Variants in DMC1 observed in about 807,000 individuals in gnomAD.
DMC1 encodes the protein DNA meiotic recombinase 1.
DMC1 carries 27 observed loss-of-function variants against 50.1 expected under a neutral mutation model. The observed-to-expected ratio is 0.54, with a 90% confidence interval of 0.40 to 0.74. DMC1 has a LOEUF of 0.74. Among genes scored for constraint, DMC1 ranks in the 30% least tolerant of loss-of-function variants. DMC1 has a pLI of 0.00. For synonymous variants in DMC1, 148 were observed against 136.1 expected, an observed-to-expected ratio of 1.09 and a Z score of -0.61; for missense variants, 295 against 420.2, an observed-to-expected ratio of 0.70 and a Z score of 2.60.
chr22:38,553,956 CAAAA>C (rs35690372), intron 6 of DMC1, among the ~76,000 whole-genome samples: 1 of 34,750 alleles, frequency 2.9e-5, no homozygotes, highest in Non-Finnish European at 5.6e-5. Flanking sequence ...ACTCCATCTC[CAAAA>C]AAAAAAAAAA....
At chr22:38,546,986 G>A (rs914700791) in intron 8 of DMC1, among the ~76,000 whole-genome samples, 2 of 152,104 alleles carry the variant, frequency 1.3e-5, no homozygotes, top group Non-Finnish European at 2.9e-5. Flanking sequence ...TAACATCTGG[G>A]ATGCAAGAAA....
At chr22:38,531,277 A>C (rs1411584310) in intron 12 of DMC1, among the ~76,000 whole-genome samples, 1 of 152,100 alleles carries the variant, frequency 6.6e-6, no homozygotes, top group Non-Finnish European at 1.5e-5. Flanking sequence ...CATCAACTGG[A>C]TCATTCCAGT....
At chr22:38,545,515 C>T (rs1569162579) in intron 8 of DMC1, among the ~76,000 whole-genome samples, 2 of 152,236 alleles carry the variant, frequency 1.3e-5, no homozygotes, top group Non-Finnish European at 1.5e-5. Flanking sequence ...CTCCGCCTCG[C>T]GGGTTCACAC....
intron 5 of DMC1, among the ~76,000 whole-genome samples, chr22:38,561,926 T>A (rs1362588942): frequency 6.6e-6 from 1 of 152,188 alleles, no homozygotes; most frequent in African/African-American, 2.4e-5. Flanking sequence ...GCAATATTTC[T>A]GAAATATTTA....
At chr22:38,564,301 TTCTC>T (rs950789743) in intron 4 of DMC1, among the ~76,000 whole-genome samples, 9 of 152,008 alleles carry the variant, frequency 5.9e-5, no homozygotes, top group Non-Finnish European at 1.3e-4. Flanking sequence ...TGAGATACCC[TTCTC>T]TCTCTCTCTT....
At chr22:38,515,983 TG>T (rs2089974283), downstream of DMC1, among the ~76,000 whole-genome samples, 1 of 152,068 alleles carries the variant, frequency 6.6e-6, no homozygotes, top group African/African-American at 2.4e-5. Context: ...CTTTTTTGAG[TG>T]CTCCTCTCCC....
downstream of DMC1, among the ~76,000 whole-genome samples, chr22:38,514,246 CTTTTTTTTTT>C (rs142872124): frequency 4.2e-5 from 3 of 71,310 alleles, no homozygotes; most frequent in South Asian, 5.5e-4. Flanking sequence ...GTTAGGTATT[CTTTTTTTTTT>C]TTTTTTTTTT....
chr22:38,567,464 C>A, intron 3 of DMC1, 119 bp downstream of exon 3: 1 of 845,334 alleles, frequency 1.2e-6, no homozygotes, highest in Non-Finnish European at 2.0e-6. Context: ...TTGCAAACAC[C>A]CTACAATGCA....
chr22:38,552,592 G>T, intron 7 of DMC1, 74 bp downstream of exon 7: 1 of 1,060,172 alleles, frequency 9.4e-7, no homozygotes, highest in Non-Finnish European at 1.5e-6. Flanking sequence ...ATTATTTAGA[G>T]TATCAGGCAC....
At position 38,538,385 on chromosome 22, in the gene DMC1, A is replaced by C; in HGVS notation, c.685T>G (p.Phe229Val). Residue 229 changes from phenylalanine to valine, a missense_variant, in exon 11 of 14, where the codon TTT becomes GTT. Transcript: ENST00000216024. The stretch of plus-strand genomic sequence containing the variant: ...CCACGGCCACTGAAATCCACTCGAA[A>C]AAGTGCCATTATTGAATCGATAATC... ...LLIIDSIMAL[F>V]RVDFSGRGEL... 1 of 1,612,642 alleles carries C rather than the reference A, an allele frequency of 6.2e-7. No homozygotes were observed. The highest frequency in any genetic ancestry group is 8.5e-7 in the Non-Finnish European group (1 of 1,179,532).
intron 12 of DMC1, among the ~76,000 whole-genome samples, chr22:38,536,736 CA>C (rs1487362943): frequency 3.9e-5 from 6 of 151,998 alleles, no homozygotes; most frequent in African/African-American, 1.5e-4. Flanking sequence ...AAGAGAAGCC[CA>C]AAGTACTGCT....
intron 4 of DMC1, among the ~76,000 whole-genome samples, chr22:38,564,227 T>C (rs1043952623): frequency 2.0e-5 from 3 of 152,196 alleles, no homozygotes; most frequent in Non-Finnish European, 4.4e-5. Flanking sequence ...TCCCATGTAC[T>C]TCAGAAGCAG....
At chr22:38,558,964 T>G (rs982932621) in intron 5 of DMC1, among the ~76,000 whole-genome samples, 1 of 152,110 alleles carries the variant, frequency 6.6e-6, no homozygotes, top group African/African-American at 2.4e-5. Context: ...CTTCCTTAAC[T>G]TTACTTGAAA....
chr22:38,520,404 C>G (rs186315687), intron 13 of DMC1, among the ~76,000 whole-genome samples: 1 of 151,282 alleles, frequency 6.6e-6, no homozygotes, highest in Non-Finnish European at 1.5e-5. Context: ...TTGCTCTTGT[C>G]CCCCAGGCAA....
At chr22:38,534,654 G>A (rs1467554308) in intron 12 of DMC1, among the ~76,000 whole-genome samples, 1 of 151,746 alleles carries the variant, frequency 6.6e-6, no homozygotes, top group Non-Finnish European at 1.5e-5. Context: ...AGTGAGCTGA[G>A]ATGGTGCTGC....
At chr22:38,525,619 A>G (rs1258588333) in intron 12 of DMC1, among the ~76,000 whole-genome samples, 1 of 152,224 alleles carries the variant, frequency 6.6e-6, no homozygotes, top group Non-Finnish European at 1.5e-5. Context: ...GAAATAAATT[A>G]TAGCATTTGC....
intron 6 of DMC1, among the ~76,000 whole-genome samples, chr22:38,553,622 G>C (rs981681336): frequency 6.6e-6 from 1 of 151,664 alleles, no homozygotes; most frequent in Non-Finnish European, 1.5e-5. Flanking sequence ...TCAGGAGTTC[G>C]AGACCAGCCT....
At chr22:38,565,891 G>C (rs1449720813) in intron 4 of DMC1, among the ~76,000 whole-genome samples, 1 of 152,188 alleles carries the variant, frequency 6.6e-6, no homozygotes, top group Non-Finnish European at 1.5e-5. Context: ...TATACCAGGA[G>C]AGAGCAACTT....
chr22:38,550,995 A>T (rs2090402032), intron 7 of DMC1, among the ~76,000 whole-genome samples: 2 of 151,588 alleles, frequency 1.3e-5, no homozygotes, highest in South Asian at 4.2e-4. Flanking sequence ...AGAAAGAAAT[A>T]GTCACAAATA....
Sources: gnomAD v4.1 joint callset for allele counts (sites outside exome capture counted in the v4.1 genomes callset) on GRCh38, gnomAD v4.1.1 for gene constraint, MANE v1.5 for transcripts, NCBI Gene and HGNC (gene_info 2026-07-23, HGNC 2026-07-21) for gene names.